The following MSI2 variants were observed in gnomAD, a reference collection of about 807,000 sequenced individuals.
MSI2 encodes the protein RNA-binding protein Musashi homolog 2.
In MSI2, 17 loss-of-function variants were observed where a neutral mutation model predicts 45.6. The ratio of observed to expected loss-of-function variants is 0.37; its 90% CI spans 0.26 to 0.56. MSI2 has a LOEUF of 0.56. Among genes scored for constraint, MSI2 ranks in the 20% least tolerant of loss-of-function variants. The probability of loss-of-function intolerance (pLI) is 0.77; values close to 1 mark genes in which losing one functional copy is unlikely to be tolerated. For missense variants in MSI2, 293 were observed against 444.2 expected (o/e 0.66, Z 3.06); for synonymous variants, 156 against 158.2 (o/e 0.99, Z 0.11).
At chr17:57,666,369 G>A (rs988998637) in intron 11 of MSI2, among the ~76,000 whole-genome samples, 2 of 152,146 alleles carry the variant, frequency 1.3e-5, no homozygotes, top group Non-Finnish European at 2.9e-5. Context: ...AAAAAAGATC[G>A]TGTGAAACAC....
At chr17:57,342,802 G>A (rs767062605) in intron 5 of MSI2, among the ~76,000 whole-genome samples, 8 of 152,142 alleles carry the variant, frequency 5.3e-5, no homozygotes, top group Non-Finnish European at 1.2e-4. Context: ...GGGAAAATGA[G>A]TTATAATCAC....
chr17:57,648,582 T>C lies in MSI2; in HGVS notation c.728-3517T>C, dbSNP rs115662643. On this transcript the variant is annotated intron_variant, in intron 10 of 13. Coordinates refer to ENST00000284073, the MANE Select transcript of MSI2 (RefSeq NM_138962.4). ...CACACATTGGCCAGGGAAGCTATGT[T>C]GAGGAGGGACCCCCCCACCACATTT... Among the ~76,000 whole-genome samples the C allele has an allele frequency of 5.6e-3, 859 of 152,216 alleles. 12 individuals are homozygous for C. Among genetic ancestry groups the C allele is most frequent in the African/African-American group, 0.019 (799 of 41,542 alleles).
chr17:57,421,458 C>G (rs1253676689), intron 6 of MSI2, among the ~76,000 whole-genome samples: 2 of 152,106 alleles, frequency 1.3e-5, no homozygotes, highest in Non-Finnish European at 2.9e-5. Flanking sequence ...CAGTAAGAGA[C>G]AAGGCCTGGG....
At chr17:57,488,893 A>G (rs1218338207) in intron 6 of MSI2, among the ~76,000 whole-genome samples, 1 of 151,908 alleles carries the variant, frequency 6.6e-6, no homozygotes, top group African/African-American at 2.4e-5. Flanking sequence ...TGCAGACACG[A>G]TAAGAGGGAA....
At position 57,401,944 on chromosome 17, in the gene MSI2, C is replaced by T. The variant is rs866339241; in HGVS notation, c.405+473C>T. 1.1e-4 allele frequency among the ~76,000 whole-genome samples: 17 copies of T among 152,128 alleles called. 1 individual carries two copies. The highest frequency in any genetic ancestry group is 2.1e-4 in the Non-Finnish European group (14 of 68,030). On this transcript the variant is annotated intron_variant, in intron 6 of 13. Transcript: ENST00000284073. ...CCCCTGTCAAATGCCCAAGGAGACT[C>T]GGAAACCATGCGAGGCCTGTACCTG...
chr17:57,643,709 C>T (rs1910426832), intron 10 of MSI2, among the ~76,000 whole-genome samples: 1 of 152,278 alleles, frequency 6.6e-6, no homozygotes, highest in Non-Finnish European at 1.5e-5. Flanking sequence ...AAAGGTTTGA[C>T]ATTGCGATGC....
intron 6 of MSI2, among the ~76,000 whole-genome samples, chr17:57,413,340 G>A (rs2084232333): frequency 6.6e-6 from 1 of 151,992 alleles, no homozygotes; most frequent in Non-Finnish European, 1.5e-5. Flanking sequence ...CAATTTTGGT[G>A]GGATGTACCT....
chr17:57,673,984 TC>T (rs532379133), intron 11 of MSI2, among the ~76,000 whole-genome samples: 17 of 151,526 alleles, frequency 1.1e-4, no homozygotes, highest in Non-Finnish European at 2.4e-4. Flanking sequence ...AAAGTTTAAA[TC>T]CCCCCTTTCC....
At chr17:57,329,907 A>G (rs917912963) in intron 5 of MSI2, among the ~76,000 whole-genome samples, 28 of 152,104 alleles carry the variant, frequency 1.8e-4, no homozygotes, top group African/African-American at 6.5e-4. Flanking sequence ...CTGAAATGGA[A>G]CTTGCCTATT....
rs960740902 is a variant in MSI2, at chr17:57,612,254, A to G, written c.538-3716A>G. Among the ~76,000 whole-genome samples, 5 of 95,456 alleles carry G rather than the reference A, an allele frequency of 5.2e-5. 2 individuals carry two copies. The highest frequency in any genetic ancestry group is 1.6e-4 in the African/African-American group (5 of 30,636). The allele number at this position is 95,456 out of a possible 152,430, so 62.6% of individuals were successfully genotyped here. ...GACAGTCAGAGCCTCTTCTTTTTCA[A>G]TACAATGAGAGCTCTCAGAGAGGTG... On this transcript the variant is annotated intron_variant, in intron 8 of 13. Transcript: ENST00000284073.
rs184189614 is a variant in MSI2 at position 57,494,200 on chromosome 17, T to G, written c.406-35476T>G. Among the ~76,000 whole-genome samples, 282 of 152,350 alleles carry G rather than the reference T, an allele frequency of 1.9e-3. 2 individuals carry two copies. Among genetic ancestry groups the G allele is most frequent in the African/African-American group, 5.6e-3 (234 of 41,582 alleles). ...CTTCTTGTTGGAGAATTCATTTTGTTACATTTCATTCCCACCATCTGCAGT... is the reference window on the plus strand; with the variant it reads ...CTTCTTGTTGGAGAATTCATTTTGTGACATTTCATTCCCACCATCTGCAGT... On this transcript the variant is annotated intron_variant, in intron 6 of 13. Transcript: ENST00000284073.
At chr17:57,465,673 A>C (rs2085317422) in intron 6 of MSI2, among the ~76,000 whole-genome samples, 1 of 152,072 alleles carries the variant, frequency 6.6e-6, no homozygotes, top group African/African-American at 2.4e-5. Flanking sequence ...TTCAGAGGCC[A>C]CTAGTCTCTG....
At position 57,338,793 on chromosome 17, in the gene MSI2, C is replaced by T. The variant is rs200832942; in HGVS notation, c.313-62586C>T. Among the ~76,000 whole-genome samples, 23 of 152,314 alleles carry T rather than the reference C, an allele frequency of 1.5e-4. No individual in the cohort carries two copies. In the East Asian group the frequency reaches 2.1e-3, roughly 14 times the overall value. The stretch of plus-strand genomic sequence containing the variant: ...CAGATAATGTGGCATGAGCAGCTCA[C>T]GCAGGGACTGCCCTGCCTCCCTGTC... On this transcript the variant is annotated intron_variant, in intron 5 of 13. Coordinates refer to ENST00000284073, the MANE Select transcript of MSI2 (RefSeq NM_138962.4).
chr17:57,550,410 T>C (rs894680770), intron 7 of MSI2, among the ~76,000 whole-genome samples: 3 of 152,170 alleles, frequency 2.0e-5, no homozygotes, highest in Non-Finnish European at 4.4e-5. Context: ...ATTGAGTTAG[T>C]ATAGGAAACC....
chr17:57,448,064 G>A (rs1297344360), intron 6 of MSI2, among the ~76,000 whole-genome samples: 1 of 152,188 alleles, frequency 6.6e-6, no homozygotes, highest in Non-Finnish European at 1.5e-5. Flanking sequence ...TTACTGAACG[G>A]GAGGCAGGCA....
At chr17:57,361,787 A>G (rs150743691) in intron 5 of MSI2, among the ~76,000 whole-genome samples, 24 of 152,334 alleles carry the variant, frequency 1.6e-4, no homozygotes, top group African/African-American at 5.5e-4. Flanking sequence ...GAAAATCCAC[A>G]TATAAGTGGA....
At chr17:57,354,628 T>C (rs182777484) in intron 5 of MSI2, among the ~76,000 whole-genome samples, 18 of 152,010 alleles carry the variant, frequency 1.2e-4, no homozygotes, top group Admixed American at 4.6e-4. Flanking sequence ...CATCTTGAGA[T>C]AGGAGAAAGC....
At chr17:57,289,056 T>G (rs1428893844) in intron 5 of MSI2, among the ~76,000 whole-genome samples, 1 of 152,238 alleles carries the variant, frequency 6.6e-6, no homozygotes, top group African/African-American at 2.4e-5. Flanking sequence ...GTATGTTTTC[T>G]GAGGTTCTGT....
chr17:57,492,994 C>A (rs1055852687), intron 6 of MSI2, among the ~76,000 whole-genome samples: 1 of 152,130 alleles, frequency 6.6e-6, no homozygotes, highest in Admixed American at 6.5e-5. Flanking sequence ...CAGAGTGAGC[C>A]AGCGTAGGAT....
Sources: gnomAD v4.1 joint callset for allele counts (sites outside exome capture counted in the v4.1 genomes callset) on GRCh38, gnomAD v4.1.1 for gene constraint, MANE v1.5 for transcripts, NCBI Gene and HGNC (gene_info 2026-07-23, HGNC 2026-07-21) for gene names.